Variants in CBL observed in about 807,000 individuals in gnomAD.
The protein encoded by CBL is Cbl proto-oncogene.
Under a neutral mutation model 96.9 loss-of-function variants are expected in CBL, and 45 were observed. The ratio of observed to expected loss-of-function variants is 0.46; its 90% confidence interval spans 0.37 to 0.60. CBL has a LOEUF of 0.60. CBL is among the 20% of genes least tolerant of loss of function. CBL has a pLI of 0.00. For missense variants in CBL, 1,024 were observed against 1,143.5 expected, an observed-to-expected ratio of 0.90 and a Z score of 1.51; for synonymous variants, 420 against 426.8, an observed-to-expected ratio of 0.98 and a Z score of 0.20.
At chr11:119,277,941 T>C (rs1949901845) in intron 7 of CBL, 97 bp downstream of exon 7, 3 of 971,214 alleles carry the variant, frequency 3.1e-6, no homozygotes, top group African/African-American at 1.6e-5. Flanking sequence ...TGGAACCCAT[T>C]GACTAGATTA....
intron 12 of CBL, among the ~76,000 whole-genome samples, chr11:119,295,877 CTT>C (rs1950059618): frequency 6.6e-6 from 1 of 152,204 alleles, no homozygotes; most frequent in South Asian, 2.1e-4. Flanking sequence ...ATATGTCTGT[CTT>C]TTGATGTTTT....
chr11:119,206,731 C>T (rs1949272551), intron 1 of CBL, 119 bp downstream of exon 1: 4 of 800,150 alleles, frequency 5.0e-6, no homozygotes, highest in Admixed American at 3.4e-5. Flanking sequence ...GCCGGGGAGG[C>T]GCGGAGCCGG....
chr11:119,297,619 G>C (rs573720955), intron 14 of CBL, 138 bp downstream of exon 14: 10 of 710,932 alleles, frequency 1.4e-5, no homozygotes, highest in Non-Finnish European at 2.5e-5. Flanking sequence ...CACCATGCCC[G>C]GCTAATTTTT....
At chr11:119,277,643 A>G in intron 6 of CBL, 114 bp from the exon 7 acceptor site, 1 of 730,534 alleles carries the variant, frequency 1.4e-6, no homozygotes, top group Non-Finnish European at 2.5e-6. Context: ...TGATCTTTAT[A>G]CTTACACCAC....
intron 2 of CBL, among the ~76,000 whole-genome samples, chr11:119,265,745 G>A (rs1289376615): frequency 2.0e-5 from 3 of 152,258 alleles, no homozygotes; most frequent in South Asian, 2.1e-4. Context: ...AAATTAGGCC[G>A]GGCGCAGTGG....
chr11:119,245,956 C>CTTTTTTTTTTTTTTTTTTTTTTTTTTT (rs71048054), intron 2 of CBL, among the ~76,000 whole-genome samples: 1 of 54,300 alleles, frequency 1.8e-5, no homozygotes, highest in Non-Finnish European at 3.3e-5. Flanking sequence ...CTTTGCAAAT[C>CTTTTTTTTTTTTTTTTTTTTTTTTTTT]TTTTTTTTTT....
chr11:119,206,603 C>T lies in CBL; in HGVS notation c.186C>T (p.Leu62=). 1 of 1,547,898 alleles carries T rather than the reference C, an allele frequency of 6.5e-7. No homozygotes were observed. Among genetic ancestry groups the T allele is most frequent in the Non-Finnish European group, 8.7e-7 (1 of 1,146,010 alleles). ...AGATGGTGGAGAAGTGCTGGAAGCT[C>T]ATGGACAAGGTGAAAGGCCGGCTGA... The part of the protein sequence containing the change: ...DKKMVEKCWK[L]MDKVVRLCQN... The change falls in exon 1 of 16, where the codon CTC becomes CTT. Residue 62 remains leucine (L), a synonymous_variant. Transcript: ENST00000264033.
intron 2 of CBL, among the ~76,000 whole-genome samples, chr11:119,243,398 C>T (rs969496180): frequency 1.3e-4 from 20 of 151,560 alleles, no homozygotes; most frequent in Non-Finnish European, 2.4e-4. Context: ...GTGATATGCC[C>T]GCTTCACCCT....
intron 4 of CBL, 105 bp downstream of exon 4, chr11:119,274,129 A>T: frequency 6.7e-6 from 6 of 889,322 alleles, no homozygotes; most frequent in Non-Finnish European, 1.1e-5. Context: ...GTCTGTATGA[A>T]AGTATTTTAA....
At chr11:119,266,837 C>A (rs1038298065) in intron 2 of CBL, among the ~76,000 whole-genome samples, 1 of 152,108 alleles carries the variant, frequency 6.6e-6, no homozygotes, top group East Asian at 1.9e-4. Flanking sequence ...CAGTACTGCT[C>A]GCTGCTGCTG....
chr11:119,278,720 T>C lies in CBL; in HGVS notation c.1431+7T>C. Reference sequence around the variant, plus strand: ...GGAATTGGCTGGTGCCAAGGTAAGATGGCAGTTTAGGAGACTGGCAAAATC... The same window carrying C: ...GGAATTGGCTGGTGCCAAGGTAAGACGGCAGTTTAGGAGACTGGCAAAATC... On this transcript the variant is annotated splice_region_variant and intron_variant, in intron 9 of 15. Coordinates refer to ENST00000264033, the MANE Select transcript of CBL (RefSeq NM_005188.4). 3.1e-6 allele frequency: 5 copies of C among 1,613,386 alleles called. No individual in the cohort carries two copies. Among genetic ancestry groups the C allele is most frequent in the Non-Finnish European group, 4.2e-6 (5 of 1,179,444 alleles).
chr11:119,226,777 A>G lies in CBL; in HGVS notation c.196-5671A>G, dbSNP rs1394286014. On this transcript the variant is annotated intron_variant, in intron 1 of 15. Transcript: ENST00000264033. Reference sequence around the variant, plus strand: ...CCCGCCTGAAGCAAGACATTTTGATATGGCTATTTGATTCAATCTGGTCAA... The same window carrying G: ...CCCGCCTGAAGCAAGACATTTTGATGTGGCTATTTGATTCAATCTGGTCAA... 7.2e-5 allele frequency among the ~76,000 whole-genome samples: 11 copies of G among 152,202 alleles called. No individual in the cohort carries two copies. In the South Asian group the frequency reaches 2.3e-3, roughly 31 times the overall value.
At chr11:119,278,388 G>T (rs890620314) in intron 8 of CBL, 91 bp downstream of exon 8, 2 of 1,550,242 alleles carry the variant, frequency 1.3e-6, no homozygotes, top group Non-Finnish European at 1.8e-6. Flanking sequence ...GGGGTGGCCT[G>T]GCTTTTGGGG....
rs772648286 is a variant in CBL, at chr11:119,275,993, A to T, written c.870-4A>T. 4 of 1,613,996 alleles carry T rather than the reference A, an allele frequency of 2.5e-6. No individual in the cohort carries two copies. The South Asian group carries it at 4.4e-5, about 18-fold the overall frequency. ...CTAAAGCTTCTGTTTATGTCTGTTC[A>T]TAGTTATATCTTCCGGCTGAGCTGT... is the stretch of plus-strand genomic sequence containing the variant. On this transcript the variant is annotated splice_polypyrimidine_tract_variant and splice_region_variant and intron_variant, in intron 5 of 15. Coordinates refer to ENST00000264033, the MANE Select transcript of CBL (RefSeq NM_005188.4).
chr11:119,238,531 T>C (rs1181647158), intron 2 of CBL, among the ~76,000 whole-genome samples: 1 of 151,708 alleles, frequency 6.6e-6, no homozygotes, highest in African/African-American at 2.4e-5. Flanking sequence ...TGTTTTCTTA[T>C]CAAAAAGAGC....
chr11:119,242,333 G>A (rs560639134), intron 2 of CBL, among the ~76,000 whole-genome samples: 4 of 152,034 alleles, frequency 2.6e-5, no homozygotes, highest in African/African-American at 9.6e-5. Flanking sequence ...CCTGAGGTCA[G>A]GAGTTCGAGA....
At chr11:119,251,555 CAT>C (rs1269600609) in intron 2 of CBL, among the ~76,000 whole-genome samples, 4 of 152,298 alleles carry the variant, frequency 2.6e-5, no homozygotes, top group South Asian at 2.1e-4. Flanking sequence ...AGAAGTTACA[CAT>C]GTCTTAATAA....
chr11:119,297,336 A>G (rs766488582), intron 13 of CBL, 48 bp from the exon 14 acceptor site: 1 of 1,356,170 alleles, frequency 7.4e-7, no homozygotes, highest in East Asian at 2.3e-5. Flanking sequence ...GTTTATAGAT[A>G]ACAGTTCTAT....
At chr11:119,293,626 T>A (rs1457368795) in intron 12 of CBL, among the ~76,000 whole-genome samples, 1 of 152,178 alleles carries the variant, frequency 6.6e-6, no homozygotes, top group Non-Finnish European at 1.5e-5. Flanking sequence ...TTCTCTGCTG[T>A]TCCCTCCTCT....
Sources: allele counts gnomAD v4.1 joint callset (sites outside exome capture counted in the v4.1 genomes callset), GRCh38; gene constraint gnomAD v4.1.1; transcripts MANE v1.5; gene names NCBI Gene and HGNC (gene_info 2026-07-23, HGNC 2026-07-21).